FOXN3: variants seen among roughly 807,000 people sequenced by gnomAD.
FOXN3 encodes the protein forkhead box N3, also known as forkhead box protein N3.
Under a neutral mutation model 38.4 loss-of-function variants are expected in FOXN3, and 7 were observed. The observed-to-expected ratio is 0.18, with a 90% CI of 0.10 to 0.34. FOXN3 has a LOEUF of 0.34. Ranked by LOEUF, FOXN3 falls within the 10% of genes least tolerant of loss-of-function variation. The pLI, the probability that FOXN3 is intolerant of heterozygous loss-of-function variation, is 1.00. For missense variants in FOXN3, 456 were observed against 613.4 expected, an observed-to-expected ratio of 0.74 and a Z score of 2.71; for synonymous variants, 230 against 242.2, an observed-to-expected ratio of 0.95 and a Z score of 0.47.
intron 3 of FOXN3, among the ~76,000 whole-genome samples, chr14:89,340,519 C>T (rs1888585413): frequency 6.6e-6 from 1 of 152,108 alleles, no homozygotes. Flanking sequence ...GGCAGAGTCT[C>T]AGAGATGCTT....
At chr14:89,596,094 CTAA>C (rs1028774125) in intron 1 of FOXN3, among the ~76,000 whole-genome samples, 3 of 152,014 alleles carry the variant, frequency 2.0e-5, no homozygotes, top group African/African-American at 4.8e-5. Context: ...ATTCATACTA[CTAA>C]TATTTTGTTT....
intron 3 of FOXN3, among the ~76,000 whole-genome samples, chr14:89,339,879 C>G (rs907400894): frequency 2.0e-5 from 3 of 152,180 alleles, no homozygotes; most frequent in Non-Finnish European, 4.4e-5. Context: ...CCACCTCCCA[C>G]GCGGGACTCT....
chr14:89,525,634 A>T (rs60848385), intron 1 of FOXN3, among the ~76,000 whole-genome samples: 3 of 55,928 alleles, frequency 5.4e-5, no homozygotes, highest in African/African-American at 1.9e-4. Flanking sequence ...TTTTCACTAA[A>T]AAAAAAAAAA....
intron 1 of FOXN3, among the ~76,000 whole-genome samples, chr14:89,433,922 ATTTTTT>A (rs35711478): frequency 9.2e-6 from 1 of 108,968 alleles, no homozygotes. Context: ...TTTTATCAGA[ATTTTTT>A]TTTTTTTTTT....
At chr14:89,440,630 C>T (rs953275614) in intron 1 of FOXN3, among the ~76,000 whole-genome samples, 4 of 152,156 alleles carry the variant, frequency 2.6e-5, no homozygotes, top group South Asian at 2.1e-4. Context: ...AGAGAACAAA[C>T]GCCCTTTGAC....
At chr14:89,606,675 C>G (rs1413097539) in intron 1 of FOXN3, among the ~76,000 whole-genome samples, 1 of 152,022 alleles carries the variant, frequency 6.6e-6, no homozygotes, top group Non-Finnish European at 1.5e-5. Flanking sequence ...CATGGCAAAA[C>G]CCCAACTCTA....
intron 4 of FOXN3, among the ~76,000 whole-genome samples, chr14:89,226,091 G>A (rs909821375): frequency 7.8e-6 from 1 of 127,988 alleles, no homozygotes; most frequent in African/African-American, 2.9e-5. Flanking sequence ...TGAGAAATTA[G>A]TAAATTCCCA....
intron 1 of FOXN3, among the ~76,000 whole-genome samples, chr14:89,613,167 T>A (rs982131577): frequency 6.1e-5 from 9 of 148,444 alleles, no homozygotes; most frequent in Non-Finnish European, 1.3e-4. Context: ...AAATCTAAAC[T>A]TGTATAATAT....
chr14:89,311,983 A>G (rs1887564173), intron 3 of FOXN3, among the ~76,000 whole-genome samples: 1 of 151,622 alleles, frequency 6.6e-6, no homozygotes, highest in African/African-American at 2.4e-5. Flanking sequence ...GCAAAGAACC[A>G]TCAAAAATGA....
intron 1 of FOXN3, among the ~76,000 whole-genome samples, chr14:89,436,433 GT>G (rs1189784512): frequency 6.6e-6 from 1 of 152,144 alleles, no homozygotes; most frequent in Non-Finnish European, 1.5e-5. Flanking sequence ...AGGGTCACAT[GT>G]TAGGGTGCAC....
intron 1 of FOXN3, among the ~76,000 whole-genome samples, chr14:89,585,680 G>A (rs1292522533): frequency 6.6e-6 from 1 of 150,392 alleles, no homozygotes; most frequent in African/African-American, 2.5e-5. Flanking sequence ...TGAGTACAGT[G>A]GTATTTACAA....
chr14:89,187,409 C>T (rs1388059757), intron 4 of FOXN3, among the ~76,000 whole-genome samples: 1 of 152,188 alleles, frequency 6.6e-6, no homozygotes, highest in Non-Finnish European at 1.5e-5. Flanking sequence ...CTAGAGAAGA[C>T]CTGGGATATA....
chr14:89,339,520 C>T (rs1380846237), intron 3 of FOXN3, among the ~76,000 whole-genome samples: 1 of 152,174 alleles, frequency 6.6e-6, no homozygotes, highest in Non-Finnish European at 1.5e-5. Flanking sequence ...GTGGTTCTCT[C>T]GGATCCTGCT....
At chr14:89,392,575 A>C (rs1279045444) in intron 2 of FOXN3, among the ~76,000 whole-genome samples, 1 of 146,148 alleles carries the variant, frequency 6.8e-6, no homozygotes, top group African/African-American at 2.6e-5. Flanking sequence ...CAGAGCCATC[A>C]CTCCAACCCC....
intron 5 of FOXN3, among the ~76,000 whole-genome samples, chr14:89,170,998 T>C (rs1351785818): frequency 6.6e-6 from 1 of 151,526 alleles, no homozygotes; most frequent in Non-Finnish European, 1.5e-5. Flanking sequence ...AAATTATAAA[T>C]AGCAGAAATC....
intron 1 of FOXN3, among the ~76,000 whole-genome samples, chr14:89,606,832 T>C (rs369271718): frequency 6.6e-6 from 1 of 151,326 alleles, no homozygotes; most frequent in South Asian, 2.1e-4. Context: ...TGGGCGACAA[T>C]AGCGAGACTC....
At chr14:89,468,148 T>C (rs904125369) in intron 1 of FOXN3, among the ~76,000 whole-genome samples, 1 of 152,016 alleles carries the variant, frequency 6.6e-6, no homozygotes, top group Non-Finnish European at 1.5e-5. Flanking sequence ...AGCAAAGTTC[T>C]GAAGCCAAAA....
intron 1 of FOXN3, among the ~76,000 whole-genome samples, chr14:89,443,305 A>G (rs1892424918): frequency 6.6e-6 from 1 of 152,088 alleles, no homozygotes; most frequent in African/African-American, 2.4e-5. Flanking sequence ...GGCTGGCACA[A>G]AAAGTGTTCC....
intron 1 of FOXN3, among the ~76,000 whole-genome samples, chr14:89,555,357 G>C (rs943097479): frequency 2.0e-5 from 3 of 152,112 alleles, no homozygotes; most frequent in African/African-American, 7.2e-5. Context: ...TGCCATCAGC[G>C]ACAGGAGGAG....
Sources: allele counts gnomAD v4.1 joint callset (sites outside exome capture counted in the v4.1 genomes callset), GRCh38; gene constraint gnomAD v4.1.1; transcripts MANE v1.5; gene names NCBI Gene and HGNC (gene_info 2026-07-23, HGNC 2026-07-21).